RIT2: variants seen among roughly 807,000 people sequenced by gnomAD.
RIT2 encodes the protein Ras like without CAAX 2.
RIT2 carries 24 observed loss-of-function variants against 23.7 expected under a neutral mutation model. The observed-to-expected ratio is 1.01, with a 90% CI of 0.73 to 1.43. The LOEUF (loss-of-function observed/expected upper bound fraction) is 1.43, where lower values mean the gene tolerates loss of function less well. Among genes scored for constraint, RIT2 ranks in the 40% most tolerant of loss-of-function variants. RIT2 has a pLI of 0.00. For synonymous variants in RIT2, 107 were observed against 91.1 expected (o/e 1.17, Z -0.99); for missense variants, 236 against 266.9 (o/e 0.88, Z 0.81).
intron 1 of RIT2, among the ~76,000 whole-genome samples, chr18:43,108,842 C>G (rs1478070121): frequency 6.6e-6 from 1 of 152,160 alleles, no homozygotes; most frequent in African/African-American, 2.4e-5. Context: ...AGGGTGAGAA[C>G]AGAAGGCCCT....
At chr18:42,940,614 G>A (rs1568035625) in intron 3 of RIT2, among the ~76,000 whole-genome samples, 1 of 151,840 alleles carries the variant, frequency 6.6e-6, no homozygotes, top group Non-Finnish European at 1.5e-5. Context: ...TTAAGTGAAT[G>A]AAAAAACACA....
rs189232700 is a variant in RIT2 at position 42,906,245 on chromosome 18, T to C, written c.426+17327A>G. Among the ~76,000 whole-genome samples, 970 of 152,068 alleles carry C rather than the reference T, an allele frequency of 6.4e-3. 6 individuals are homozygous for C. Among genetic ancestry groups the C allele is most frequent in the African/African-American group, 0.022 (899 of 41,526 alleles). On this transcript the variant is annotated intron_variant, in intron 4 of 4. Transcript: ENST00000326695. ...GCTCTGCCCATTATTATGATTCTAT[T>C]TGCCATATGGCAGCAACAAAATAAT...
chr18:43,087,990 A>C (rs1033015991), intron 1 of RIT2, among the ~76,000 whole-genome samples: 1 of 152,172 alleles, frequency 6.6e-6, no homozygotes, highest in Admixed American at 6.6e-5. Flanking sequence ...ATATTAGCCT[A>C]GTGTATGGAC....
chr18:42,856,905 C>T (rs953192799), intron 4 of RIT2, among the ~76,000 whole-genome samples: 2 of 144,400 alleles, frequency 1.4e-5, no homozygotes, highest in African/African-American at 5.2e-5. Context: ...TCTCGGCTCA[C>T]TGAAAGCTCC....
At chr18:42,853,349 T>TATGTA (rs1243686296) in intron 4 of RIT2, among the ~76,000 whole-genome samples, 3 of 152,240 alleles carry the variant, frequency 2.0e-5, no homozygotes, top group Admixed American at 2.0e-4. Flanking sequence ...AAATTCTGAC[T>TATGTA]ATGTACAAGT....
intron 3 of RIT2, among the ~76,000 whole-genome samples, chr18:42,970,508 T>C (rs1244141125): frequency 6.6e-6 from 1 of 151,964 alleles, no homozygotes; most frequent in Non-Finnish European, 1.5e-5. Flanking sequence ...TACCCCAAAA[T>C]ATGGTACCTT....
At chr18:42,858,160 G>T (rs933651737) in intron 4 of RIT2, among the ~76,000 whole-genome samples, 1 of 152,186 alleles carries the variant, frequency 6.6e-6, no homozygotes, top group Non-Finnish European at 1.5e-5. Flanking sequence ...CAGCCAGAGC[G>T]AAAGAATGAG....
chr18:42,829,375 A>G (rs1049879919), intron 4 of RIT2, among the ~76,000 whole-genome samples: 2 of 152,222 alleles, frequency 1.3e-5, no homozygotes, highest in African/African-American at 4.8e-5. Context: ...GGATAGTATG[A>G]CACACCAGAA....
At chr18:42,909,355 A>G (rs1203128690) in intron 4 of RIT2, among the ~76,000 whole-genome samples, 1 of 152,122 alleles carries the variant, frequency 6.6e-6, no homozygotes, top group African/African-American at 2.4e-5. Context: ...GGAATAAAAG[A>G]GTACACATTG....
intron 2 of RIT2, among the ~76,000 whole-genome samples, chr18:42,974,373 C>T (rs1000573131): frequency 5.9e-5 from 9 of 151,900 alleles, no homozygotes; most frequent in Admixed American, 2.0e-4. Flanking sequence ...GAAAATTTTG[C>T]GATCTGAGGC....
At chr18:42,936,264 A>G (rs1909456887) in intron 3 of RIT2, among the ~76,000 whole-genome samples, 1 of 152,154 alleles carries the variant, frequency 6.6e-6, no homozygotes, top group Non-Finnish European at 1.5e-5. Context: ...ATAAATAAAC[A>G]AACATTCTGT....
chr18:42,746,042 T>C (rs1189826187), intron 4 of RIT2, among the ~76,000 whole-genome samples: 1 of 152,126 alleles, frequency 6.6e-6, no homozygotes, highest in Non-Finnish European at 1.5e-5. Context: ...GCAGCTCTGC[T>C]CCAGGCTGTC....
At chr18:42,913,100 T>C (rs1465398606) in intron 4 of RIT2, among the ~76,000 whole-genome samples, 1 of 151,452 alleles carries the variant, frequency 6.6e-6, no homozygotes, top group African/African-American at 2.4e-5. Context: ...CACATGAATA[T>C]GCCCAATTAA....
chr18:43,112,153 T>C (rs558431399), intron 1 of RIT2, among the ~76,000 whole-genome samples: 29 of 152,286 alleles, frequency 1.9e-4, no homozygotes, highest in South Asian at 2.1e-4. Flanking sequence ...TATCAATGGA[T>C]CTGTTTTCTT....
At chr18:43,017,609 C>T (rs777286720) in intron 2 of RIT2, among the ~76,000 whole-genome samples, 1 of 151,900 alleles carries the variant, frequency 6.6e-6, no homozygotes, top group Non-Finnish European at 1.5e-5. Flanking sequence ...CATTACTTAG[C>T]AGTAGTAGTT....
intron 1 of RIT2, among the ~76,000 whole-genome samples, chr18:43,038,218 A>AAAT (rs59629398): frequency 6.7e-6 from 1 of 149,024 alleles, no homozygotes; most frequent in Non-Finnish European, 1.5e-5. Flanking sequence ...AAAAAAAAAA[A>AAAT]GCAGTTTCAG....
chr18:42,784,122 T>C (rs1169341992), intron 4 of RIT2, among the ~76,000 whole-genome samples: 2 of 152,052 alleles, frequency 1.3e-5, no homozygotes, highest in Non-Finnish European at 2.9e-5. Flanking sequence ...AGTTCTACCA[T>C]AGTTCTACCA....
rs147646748 is a variant in RIT2, at chr18:43,114,324, TC to T, written c.103+1092del. Among the ~76,000 whole-genome samples, 516 of 152,258 alleles carry T rather than the reference TC, an allele frequency of 3.4e-3. 2 individuals carry two copies. The highest frequency in any genetic ancestry group is 0.012 in the African/African-American group (496 of 41,576). On this transcript the variant is annotated intron_variant, in intron 1 of 4. Transcript: ENST00000326695. ...TTTCTTACTATCTTTAACTTTGTTG[TC>T]CACTAAAGTCACAATCTCCTTCCTC...
chr18:43,085,460 C>T (rs1913261114), intron 1 of RIT2, among the ~76,000 whole-genome samples: 2 of 152,110 alleles, frequency 1.3e-5, no homozygotes, highest in South Asian at 4.1e-4. Flanking sequence ...TTCCCCTAGT[C>T]TAACTTTGTA....
Sources: gnomAD v4.1 joint callset for allele counts (sites outside exome capture counted in the v4.1 genomes callset) on GRCh38, gnomAD v4.1.1 for gene constraint, MANE v1.5 for transcripts, NCBI Gene and HGNC (gene_info 2026-07-23, HGNC 2026-07-21) for gene names.